Variants in SIRT1 observed in about 807,000 individuals in gnomAD.
SIRT1 encodes the protein sirtuin 1, also known as NAD-dependent protein deacetylase sirtuin-1.
SIRT1 carries 24 observed loss-of-function variants against 67.9 expected under a neutral mutation model. The observed-to-expected ratio is 0.35, with a 90% CI of 0.26 to 0.50. SIRT1 has a LOEUF of 0.50. SIRT1 is among the 20% of genes least tolerant of loss of function. The pLI, the probability that SIRT1 is intolerant of heterozygous loss-of-function variation, is 0.98. For missense variants in SIRT1, 873 were observed against 937.2 expected (o/e 0.93, Z 0.89); for synonymous variants, 378 against 350.7 (o/e 1.08, Z -0.87).
At position 67,884,660 on chromosome 10, in the gene SIRT1, G is replaced by A; in HGVS notation, c.-62G>A. ...CGCAGCCGGAGCCGCGGGGGCGCCA[G>A]TGCCGCGCGTCGAGCGGGAGCAGAG... is the stretch of plus-strand genomic sequence containing the variant. On this transcript the variant is annotated 5_prime_UTR_variant, in exon 1 of 9. It adds an upstream start codon to the 5' untranslated region. Transcript: ENST00000212015. 3.3e-6 allele frequency: 4 copies of A among 1,224,016 alleles called. No homozygotes were observed. Among genetic ancestry groups the A allele is most frequent in the African/African-American group, 1.6e-5 (1 of 64,138 alleles). The allele number at this position is 1,224,016 out of a possible 1,614,324, so 75.8% of individuals were successfully genotyped here.
At chr10:67,906,258 T>C in intron 4 of SIRT1, 1 of 1,586,156 alleles carries the variant, frequency 6.3e-7, no homozygotes, top group South Asian at 1.2e-5. Context: ...TACCAGTATG[T>C]GCCTGTGCAG....
At chr10:67,906,353 A>C (rs979674204) in intron 4 of SIRT1, 1 of 1,488,358 alleles carries the variant, frequency 6.7e-7, no homozygotes, top group Non-Finnish European at 9.0e-7. Context: ...ATAAATCAAA[A>C]AAAAATTTTA....
rs999176702 is a variant in SIRT1, at chr10:67,917,926, AAATT to A, written c.*1337_*1340del. On this transcript the variant is annotated 3_prime_UTR_variant, in exon 9 of 9. Coordinates refer to ENST00000212015, the MANE Select transcript of SIRT1 (RefSeq NM_012238.5). ...CAGACCATTTTTGAACATCACTCCT[AAATT>A]AATAAAGTATTCCTCTGTTGCTTTA... 2.0e-5 allele frequency: 3 copies of A among 152,458 alleles called. No individual in the cohort carries two copies. Among genetic ancestry groups the A allele is most frequent in the Non-Finnish European group, 2.9e-5 (2 of 68,038 alleles). The allele number at this position is 152,458 out of a possible 1,614,324, so 9.4% of individuals were successfully genotyped here. A position where few individuals can be genotyped will look rare whatever the true frequency, so the allele number is the denominator to read the frequency against.
rs150759066 is a variant in SIRT1 at position 67,888,961 on chromosome 10, A to G, written c.627A>G (p.Thr209=). The G allele has an allele frequency of 9.3e-6, 15 of 1,613,750 alleles. No individual in the cohort carries two copies. Among genetic ancestry groups the G allele is most frequent in the Non-Finnish European group, 1.3e-5 (15 of 1,179,826 alleles). Residue 209 remains threonine (T), a synonymous_variant, in exon 3 of 9, where the codon ACA becomes ACG. Transcript: ENST00000212015. The part of the protein sequence containing the change: ...RTILKDLLPE[T]IPPPELDDMT... ...TTCTTAAAGATTTATTGCCGGAAAC[A>G]ATACCTCCACCTGAGTTGGATGATA...
At chr10:67,898,257 TC>T (rs1842689584) in intron 4 of SIRT1, among the ~76,000 whole-genome samples, 1 of 109,790 alleles carries the variant, frequency 9.1e-6, no homozygotes. Flanking sequence ...AGACTCTGTC[TC>T]AAAAAAAAAA....
At chr10:67,908,224 C>T in intron 6 of SIRT1, 99 bp downstream of exon 6, 1 of 892,820 alleles carries the variant, frequency 1.1e-6, no homozygotes, top group Middle Eastern at 3.0e-4. Context: ...ATATATGGTA[C>T]AGAAAGATTC....
chr10:67,916,805 A>ATT lies in SIRT1; in HGVS notation c.*212_*213insTT, dbSNP rs1238971686. ...TCAACACTAACTTTTTTTTTTTTAA[A>ATT]AAAAAAAAGGTACTAAGTATCTTCA... On this transcript the variant is annotated 3_prime_UTR_variant, in exon 9 of 9. Coordinates refer to ENST00000212015, the MANE Select transcript of SIRT1 (RefSeq NM_012238.5). The ATT allele has an allele frequency of 4.1e-5, 13 of 316,014 alleles. No individual in the cohort carries two copies. Among genetic ancestry groups the ATT allele is most frequent in the African/African-American group, 2.2e-4 (10 of 44,778 alleles). 19.6% of individuals were successfully genotyped at this position (316,014 alleles called of 1,614,324 possible).
chr10:67,910,595 C>T (rs1476329713), intron 7 of SIRT1, among the ~76,000 whole-genome samples: 1 of 151,948 alleles, frequency 6.6e-6, no homozygotes, highest in African/African-American at 2.4e-5. Flanking sequence ...TTAATAAATT[C>T]AAATGTATAG....
At chr10:67,912,180 A>AT (rs1842910899) in intron 7 of SIRT1, among the ~76,000 whole-genome samples, 1 of 152,142 alleles carries the variant, frequency 6.6e-6, no homozygotes, top group Non-Finnish European at 1.5e-5. Flanking sequence ...TACTATTATC[A>AT]TCCCCATTCT....
At position 67,884,706 on chromosome 10, in the gene SIRT1, G is replaced by A. The variant is rs1842446410; in HGVS notation, c.-16G>A. On this transcript the variant is annotated 5_prime_UTR_variant, in exon 1 of 9. Coordinates refer to ENST00000212015, the MANE Select transcript of SIRT1 (RefSeq NM_012238.5). Reference sequence around the variant, plus strand: ...CAGAGGAGGCGAGGGAGGAGGGCCAGAGAGGCAGTTGGAAGATGGCGGACG... The same window carrying A: ...CAGAGGAGGCGAGGGAGGAGGGCCAAAGAGGCAGTTGGAAGATGGCGGACG... The A allele has an allele frequency of 2.4e-5, 30 of 1,228,818 alleles. No homozygotes were observed. The East Asian group carries it at 4.4e-4, about 18-fold the overall frequency. 76.1% of individuals were successfully genotyped at this position (1,228,818 alleles called of 1,614,324 possible).
Position 67,907,697 on chromosome 10 carries a change from A to G in SIRT1, c.1091-349A>G, listed in dbSNP as rs35720298. Among the ~76,000 whole-genome samples the G allele has an allele frequency of 3.5e-3, 540 of 152,238 alleles. 3 individuals carry two copies. The highest frequency in any genetic ancestry group is 6.0e-3 in the Non-Finnish European group (409 of 68,002). On this transcript the variant is annotated intron_variant, in intron 5 of 8. Coordinates refer to ENST00000212015, the MANE Select transcript of SIRT1 (RefSeq NM_012238.5). ...TTCTAAGAACTGCCGAGCTAAGGTAATAGAGTTGGAACTGTCCAACTCTGC... is the reference window on the plus strand; with the variant it reads ...TTCTAAGAACTGCCGAGCTAAGGTAGTAGAGTTGGAACTGTCCAACTCTGC...
At chr10:67,907,855 C>G (rs895079228) in intron 5 of SIRT1, among the ~76,000 whole-genome samples, 191 bp from the exon 6 acceptor site, 1 of 152,154 alleles carries the variant, frequency 6.6e-6, no homozygotes, top group African/African-American at 2.4e-5. Context: ...AATTCTTCAT[C>G]CCCTAGATTC....
intron 4 of SIRT1, among the ~76,000 whole-genome samples, chr10:67,905,117 C>G (rs867881188): frequency 2.0e-5 from 3 of 152,238 alleles, no homozygotes; most frequent in African/African-American, 7.2e-5. Context: ...TTATCACTTG[C>G]TTACTATTAT....
At chr10:67,894,296 T>C (rs1373912722) in intron 4 of SIRT1, among the ~76,000 whole-genome samples, 1 of 152,270 alleles carries the variant, frequency 6.6e-6, no homozygotes, top group Non-Finnish European at 1.5e-5. Flanking sequence ...TTACTTCATA[T>C]ATCCGTAATG....
intron 6 of SIRT1, 122 bp downstream of exon 6, chr10:67,908,247 G>GT (rs1382897960): frequency 1.0e-5 from 8 of 785,684 alleles, no homozygotes; most frequent in Non-Finnish European, 1.6e-5. Context: ...GAAGAAAATA[G>GT]TTAGCATTTG....
At position 67,884,964 on chromosome 10, in the gene SIRT1, A is replaced by G. The variant is rs1842451075; in HGVS notation, c.243A>G (p.Ala81=). The part of the protein sequence containing the change: ...AAAALWREAE[A]EAAAAGGEQE... Reference sequence around the variant, plus strand: ...CGGCGCTGTGGCGGGAGGCGGAGGCAGAGGCGGCGGCGGCAGGCGGGGAGC... The same window carrying G: ...CGGCGCTGTGGCGGGAGGCGGAGGCGGAGGCGGCGGCGGCAGGCGGGGAGC... Residue 81 remains alanine, a synonymous_variant, in exon 1 of 9, where the codon GCA becomes GCG. Coordinates refer to ENST00000212015, the MANE Select transcript of SIRT1 (RefSeq NM_012238.5). The G allele has an allele frequency of 2.4e-6, 3 of 1,261,306 alleles. No individual in the cohort carries two copies. The highest frequency in any genetic ancestry group is 3.0e-6 in the Non-Finnish European group (3 of 1,003,156). The allele number at this position is 1,261,306 out of a possible 1,614,324, so 78.1% of individuals were successfully genotyped here.
At chr10:67,909,993 C>T (rs375958287) in intron 7 of SIRT1, among the ~76,000 whole-genome samples, 54 of 152,112 alleles carry the variant, frequency 3.6e-4, no homozygotes, top group African/African-American at 1.2e-3. Flanking sequence ...ATTACAGGCA[C>T]GAGCCTCCAC....
In SIRT1 at chr10:67,887,486, G is replaced by C; in HGVS notation, c.500G>C (p.Arg167Thr). 1 of 1,613,872 alleles carries C rather than the reference G, an allele frequency of 6.2e-7. No homozygotes were observed. The highest frequency in any genetic ancestry group is 8.5e-7 in the Non-Finnish European group (1 of 1,179,814). Residue 167 changes from arginine (R) to threonine (T), a missense_variant, in exon 2 of 9, where the codon AGA (arginine) becomes ACA (threonine). Physicochemically the swap from Arg to Thr is moderately conservative, Grantham distance 71 (BLOSUM62 -1). Around this residue, in one of 3 missense-constraint regions of SIRT1, gnomAD observed 327 missense variants for 283.9 expected, o/e 1.15. Coordinates refer to ENST00000212015, the MANE Select transcript of SIRT1 (RefSeq NM_012238.5). The stretch of plus-strand genomic sequence containing the variant: ...TCCTGTGAAAGTGATGAGGAGGATA[G>C]AGCCTCACATGCAAGCTCTAGTGAC... The part of the protein sequence containing the change: ...FHSCESDEED[R>T]ASHASSSDWT...
chr10:67,895,730 CTTG>C (rs1487811964), intron 4 of SIRT1, among the ~76,000 whole-genome samples: 1 of 94,046 alleles, frequency 1.1e-5, no homozygotes, highest in African/African-American at 3.9e-5. Context: ...TGAGAATTAA[CTTG>C]TTTTTTTTTT....
Sources: gnomAD v4.1 joint callset for allele counts (sites outside exome capture counted in the v4.1 genomes callset) on GRCh38, gnomAD v4.1.1 for gene constraint, gnomAD v4.1.1 regional missense constraint, MANE v1.5 for transcripts, NCBI Gene and HGNC (gene_info 2026-07-23, HGNC 2026-07-21) for gene names.